The following OPA1 variants were observed in gnomAD, a reference collection of about 807,000 sequenced individuals.
The protein encoded by OPA1 is OPA1 mitochondrial dynamin like GTPase.
In OPA1, 59 loss-of-function variants were observed where a neutral mutation model predicts 152.9. The ratio of observed to expected loss-of-function variants is 0.39; its 90% CI spans 0.31 to 0.48. OPA1 has a LOEUF of 0.48. Among genes scored for constraint, OPA1 ranks in the 20% least tolerant of loss-of-function variants. The pLI is 0.96. For missense variants in OPA1, 1,008 were observed against 1,216.8 expected (o/e 0.83, Z 2.55); for synonymous variants, 400 against 389.9 (o/e 1.03, Z -0.31).
At chr3:193,664,743 T>C (rs2109251928) in intron 26 of OPA1, 137 bp from the exon 27 acceptor site, 2 of 617,214 alleles carry the variant, frequency 3.2e-6, no homozygotes, top group East Asian at 2.8e-5. Context: ...AAAATTTGAA[T>C]AACTATGTAA....
At chr3:193,670,587 C>T (rs1338787519) in intron 29 of OPA1, among the ~76,000 whole-genome samples, 1 of 152,006 alleles carries the variant, frequency 6.6e-6, no homozygotes, top group South Asian at 2.1e-4. Flanking sequence ...AGGATGGTCT[C>T]GATCTCCTGA....
intron 29 of OPA1, among the ~76,000 whole-genome samples, chr3:193,676,802 A>C (rs574477210): frequency 1.3e-4 from 20 of 152,162 alleles, no homozygotes; most frequent in South Asian, 6.2e-4. Flanking sequence ...AACACAGTGA[A>C]ACCCCGTCTC....
chr3:193,636,886 T>C (rs1301426899), intron 9 of OPA1, among the ~76,000 whole-genome samples: 1 of 152,212 alleles, frequency 6.6e-6, no homozygotes, highest in African/African-American at 2.4e-5. Context: ...TAATGGTCTT[T>C]TCTTGCATTC....
rs1268966471 is a variant in OPA1 at position 193,642,843 on chromosome 3, G to A, written c.1228G>A (p.Asp410Asn). ...SREFDLTKEE[D>N]LAALRHEIEL... ...GGAGTTTGATCTTACCAAAGAAGAAGATGTAAGTAAAATTCATCTAAGGTT... is the reference window on the plus strand; with the variant it reads ...GGAGTTTGATCTTACCAAAGAAGAAAATGTAAGTAAAATTCATCTAAGGTT... Residue 410 changes from aspartate (D) to asparagine (N), a missense_variant and splice_region_variant, in exon 12 of 31, where the codon GAT (aspartate) becomes AAT (asparagine). By Grantham distance (23) the Asp-to-Asn change is conservative (BLOSUM62 1). Transcript: ENST00000361510. The A allele has an allele frequency of 5.0e-6, 8 of 1,610,268 alleles. No individual in the cohort carries two copies. Among genetic ancestry groups the A allele is most frequent in the African/African-American group, 1.3e-5 (1 of 74,866 alleles).
At chr3:193,605,368 C>T (rs193094839) in intron 1 of OPA1, among the ~76,000 whole-genome samples, 3 of 152,286 alleles carry the variant, frequency 2.0e-5, no homozygotes, top group African/African-American at 7.2e-5. Flanking sequence ...TGGAGTGTTA[C>T]AGGGGCTGGT....
At chr3:193,612,108 A>G (rs1251997884) in intron 1 of OPA1, among the ~76,000 whole-genome samples, 1 of 152,048 alleles carries the variant, frequency 6.6e-6, no homozygotes, top group Non-Finnish European at 1.5e-5. Context: ...TCCTATTAGG[A>G]TTCTAAATTC....
intron 26 of OPA1, among the ~76,000 whole-genome samples, chr3:193,663,250 G>A (rs993030335): frequency 6.6e-6 from 1 of 152,138 alleles, no homozygotes; most frequent in African/African-American, 2.4e-5. Context: ...AACCGACCTA[G>A]ACCTTTGCCC....
chr3:193,643,340 T>G, intron 13 of OPA1, 33 bp from the exon 14 acceptor site: 1 of 1,533,830 alleles, frequency 6.5e-7, no homozygotes, highest in Middle Eastern at 1.7e-4. Context: ...CCCCAAACTT[T>G]AGCATTGTTT....
intron 12 of OPA1, 22 bp from the exon 13 acceptor site, chr3:193,642,953 A>G: frequency 1.2e-6 from 2 of 1,607,262 alleles, no homozygotes; most frequent in Non-Finnish European, 1.7e-6. Flanking sequence ...AGATTTTCTT[A>G]GGATTTTGTG....
rs768674298 is a variant in OPA1 at position 193,614,688 on chromosome 3, C to G, written c.33-35C>G. The G allele has an allele frequency of 8.7e-6, 13 of 1,497,064 alleles. No homozygotes were observed. The Admixed American group carries it at 1.8e-4, about 21-fold the overall frequency. The allele number at this position is 1,497,064 out of a possible 1,614,324, so 92.7% of individuals were successfully genotyped here. ...GTCATTTCCTTTGTACTGTTACCCT[C>G]TCTGATCTTTCTTCCATATTCATTT... On this transcript the variant is annotated intron_variant, in intron 1 of 30. Transcript: ENST00000361510.
chr3:193,615,637 G>T (rs1338193162), intron 2 of OPA1, 37 bp from the exon 3 acceptor site: 1 of 1,095,416 alleles, frequency 9.1e-7, no homozygotes, highest in Admixed American at 1.7e-5. Flanking sequence ...TATTTGGCAT[G>T]CAGAGCATCT....
intron 7 of OPA1, among the ~76,000 whole-genome samples, chr3:193,628,923 CTT>C (rs907951288): frequency 6.6e-6 from 1 of 151,776 alleles, no homozygotes; most frequent in Admixed American, 6.6e-5. Flanking sequence ...TTATTTTACT[CTT>C]TTTTTGAGAC....
intron 1 of OPA1, among the ~76,000 whole-genome samples, chr3:193,610,127 T>G (rs1207566092): frequency 6.6e-6 from 1 of 152,172 alleles, no homozygotes; most frequent in Non-Finnish European, 1.5e-5. Context: ...TTTTAGAATT[T>G]TCAGTATTTT....
intron 21 of OPA1, among the ~76,000 whole-genome samples, chr3:193,650,189 G>T (rs1334952298): frequency 6.6e-6 from 1 of 152,090 alleles, no homozygotes; most frequent in Non-Finnish European, 1.5e-5. Flanking sequence ...TAATACAAAG[G>T]TAACTGAAGA....
intron 29 of OPA1, chr3:193,668,308 A>G (rs1171318840): frequency 1.9e-6 from 3 of 1,544,038 alleles, no homozygotes; most frequent in Admixed American, 2.0e-5. Flanking sequence ...GTCCTTTTCC[A>G]TTGCAGAAAT....
intron 11 of OPA1, among the ~76,000 whole-genome samples, chr3:193,639,613 A>T (rs368175663): frequency 2.5e-4 from 38 of 152,356 alleles, no homozygotes; most frequent in African/African-American, 8.9e-4. Context: ...AGGAATAATG[A>T]AGAGCGGGGA....
chr3:193,696,701 C>CA lies in OPA1; in HGVS notation c.*2102dup, dbSNP rs1251792628. The CA allele has an allele frequency of 2.6e-5, 4 of 152,148 alleles. No homozygotes were observed. The highest frequency in any genetic ancestry group is 9.7e-5 in the African/African-American group (4 of 41,430). 9.4% of individuals were successfully genotyped at this position (152,148 alleles called of 1,614,324 possible). Reference sequence around the variant, plus strand: ...TTTAAACAAAAAGATACTAAATATACAGAAGTTAAATTCGAACTAGCCACA... The same window carrying CA: ...TTTAAACAAAAAGATACTAAATATACAAGAAGTTAAATTCGAACTAGCCACA... On this transcript the variant is annotated 3_prime_UTR_variant, in exon 31 of 31. Coordinates refer to ENST00000361510, the MANE Select transcript of OPA1 (RefSeq NM_130837.3).
Position 193,623,749 on chromosome 3 carries a change from T to C in OPA1, c.679-2343T>C, listed in dbSNP as rs12636213. On this transcript the variant is annotated intron_variant, in intron 6 of 30. Coordinates refer to ENST00000361510, the MANE Select transcript of OPA1 (RefSeq NM_130837.3). ...AAAATATTTATTGAAAAATGTGGTT[T>C]GTACATCTGAGGAGTGTATCTTGCA... is the stretch of plus-strand genomic sequence containing the variant. Among the ~76,000 whole-genome samples, 1,102 of 152,346 alleles carry C rather than the reference T, an allele frequency of 7.2e-3. 9 individuals are homozygous for C. Among genetic ancestry groups the C allele is most frequent in the African/African-American group, 0.021 (890 of 41,578 alleles).
chr3:193,615,328 A>T (rs1157561272), intron 2 of OPA1, among the ~76,000 whole-genome samples: 1 of 152,224 alleles, frequency 6.6e-6, no homozygotes, highest in African/African-American at 2.4e-5. Flanking sequence ...TGTGAAAGTC[A>T]GGTGGCATTC....
Sources: allele counts gnomAD v4.1 joint callset (sites outside exome capture counted in the v4.1 genomes callset), GRCh38; gene constraint gnomAD v4.1.1; transcripts MANE v1.5; gene names NCBI Gene and HGNC (gene_info 2026-07-23, HGNC 2026-07-21).